Variants in CLMP observed in about 807,000 individuals in gnomAD.
The protein encoded by CLMP is CXADR-like membrane protein.
In CLMP, 27 loss-of-function variants were observed where a neutral mutation model predicts 45.2. That is an observed-to-expected ratio of 0.60 (90% CI 0.44 to 0.82). The LOEUF is 0.82. CLMP is among the 40% of genes least tolerant of loss of function. CLMP has a pLI of 0.00. For synonymous variants in CLMP, 167 were observed against 171.4 expected, an observed-to-expected ratio of 0.97 and a Z score of 0.20; for missense variants, 403 against 448.4, an observed-to-expected ratio of 0.90 and a Z score of 0.91.
At chr11:123,167,085 C>T (rs903446741) in intron 1 of CLMP, among the ~76,000 whole-genome samples, 1 of 152,114 alleles carries the variant, frequency 6.6e-6, no homozygotes, top group South Asian at 2.1e-4. Context: ...CAGTGTTTAG[C>T]GCAGTGCTTG....
At chr11:123,127,856 G>A (rs1389025081) in intron 1 of CLMP, among the ~76,000 whole-genome samples, 1 of 152,062 alleles carries the variant, frequency 6.6e-6, no homozygotes, top group Non-Finnish European at 1.5e-5. Flanking sequence ...GGCCAACATG[G>A]CAAAACCCTG....
intron 1 of CLMP, among the ~76,000 whole-genome samples, chr11:123,125,550 C>CCCCT (rs1466855093): frequency 9.1e-6 from 1 of 109,900 alleles, no homozygotes; most frequent in Admixed American, 9.8e-5. Context: ...TCCCTCCCCT[C>CCCCT]CCCTCCCTCC....
In CLMP at chr11:123,088,035, T is replaced by C. The variant is rs201109829; in HGVS notation, c.187-3322A>G. On this transcript the variant is annotated intron_variant, in intron 2 of 6. Transcript: ENST00000448775. ...AAGTGATTCTCCTGCCTCAGCCTCC[T>C]GAGTAGCTGGGATTACAGGCATGTG... Among the ~76,000 whole-genome samples, 4 of 151,558 alleles carry C rather than the reference T, an allele frequency of 2.6e-5. No individual in the cohort carries two copies. In the East Asian group the frequency reaches 7.9e-4, roughly 30 times the overall value.
At chr11:123,127,752 C>T (rs79576595) in intron 1 of CLMP, among the ~76,000 whole-genome samples, 10,716 of 152,000 alleles carry the variant, frequency 0.07, 795 homozygotes, top group African/African-American at 0.19. Context: ...TAAAGAGTAA[C>T]GTGGCCGGGC....
chr11:123,088,486 C>T (rs1591452558), intron 2 of CLMP, among the ~76,000 whole-genome samples: 1 of 152,278 alleles, frequency 6.6e-6, no homozygotes, highest in East Asian at 1.9e-4. Flanking sequence ...TCAGTTTGTA[C>T]TTTCTAGGAG....
At chr11:123,149,816 T>G (rs1861287995) in intron 1 of CLMP, among the ~76,000 whole-genome samples, 2 of 146,564 alleles carry the variant, frequency 1.4e-5, no homozygotes, top group Non-Finnish European at 3.0e-5. Flanking sequence ...TGTTTCTTTC[T>G]CTCTTTTTTT....
intron 1 of CLMP, among the ~76,000 whole-genome samples, chr11:123,152,072 T>C (rs1430780355): frequency 6.6e-6 from 1 of 152,186 alleles, no homozygotes; most frequent in Non-Finnish European, 1.5e-5. Flanking sequence ...TTCCCCTCAA[T>C]TTCCTATAAT....
intron 5 of CLMP, among the ~76,000 whole-genome samples, chr11:123,077,827 C>G (rs1865757704): frequency 6.6e-6 from 1 of 152,160 alleles, no homozygotes; most frequent in Non-Finnish European, 1.5e-5. Flanking sequence ...AATAATATAT[C>G]TCAGTGCTGT....
chr11:123,192,135 A>G (rs1861916310), intron 1 of CLMP, among the ~76,000 whole-genome samples: 1 of 152,304 alleles, frequency 6.6e-6, no homozygotes, highest in Non-Finnish European at 1.5e-5. Flanking sequence ...ATTAGAAAGA[A>G]GCATGGGACA....
chr11:123,150,514 A>AGGAAGGAAGGAAGGAAGGAAGGAG, intron 1 of CLMP, among the ~76,000 whole-genome samples: 1 of 132,816 alleles, frequency 7.5e-6, no homozygotes, highest in African/African-American at 3.0e-5. Flanking sequence ...GAAGGAAGGA[A>AGGAAGGAAGGAAGGAAGGAAGGAG]GGAAGGAAGG....
intron 1 of CLMP, among the ~76,000 whole-genome samples, chr11:123,110,362 G>A (rs138120312): frequency 0.017 from 2,638 of 151,898 alleles, 76 homozygotes; most frequent in African/African-American, 0.06. Flanking sequence ...GCTGAGATGG[G>A]AGAATCGCTT....
chr11:123,169,521 G>A (rs1861601862), intron 1 of CLMP, among the ~76,000 whole-genome samples: 4 of 152,150 alleles, frequency 2.6e-5, no homozygotes, highest in Admixed American at 1.3e-4. Context: ...TCTCCAAGAA[G>A]GACAGTGTCC....
chr11:123,164,896 T>C (rs146332748), intron 1 of CLMP, among the ~76,000 whole-genome samples: 1 of 152,264 alleles, frequency 6.6e-6, no homozygotes, highest in Non-Finnish European at 1.5e-5. Flanking sequence ...GACCTTAGAA[T>C]CATTGGAATT....
rs536496060 is a variant in CLMP at position 123,188,307 on chromosome 11, G to A, written c.28+6606C>T. ...ATCTTAAAAGGGACATCACTGAGCTGCTCCCGCCATCCGTGAAATAGAACG... is the reference window on the plus strand; with the variant it reads ...ATCTTAAAAGGGACATCACTGAGCTACTCCCGCCATCCGTGAAATAGAACG... On this transcript the variant is annotated intron_variant, in intron 1 of 6. Coordinates refer to ENST00000448775, the MANE Select transcript of CLMP (RefSeq NM_024769.5). 8.5e-5 allele frequency among the ~76,000 whole-genome samples: 13 copies of A among 152,252 alleles called. No homozygotes were observed. The East Asian group carries it at 2.5e-3, about 29-fold the overall frequency.
Position 123,145,668 on chromosome 11 carries a change from TG to T in CLMP, c.29-47717del, listed in dbSNP as rs531752648. Among the ~76,000 whole-genome samples, 86 of 152,292 alleles carry T rather than the reference TG, an allele frequency of 5.6e-4. 3 individuals carry two copies. The South Asian group carries it at 0.017, about 30-fold the overall frequency. On this transcript the variant is annotated intron_variant, in intron 1 of 6. Transcript: ENST00000448775. Reference sequence around the variant, plus strand: ...TAGTAGAGACGGAGTTTCACCATGTTGGCCAGGCTGGTATCGAGCTGCTGAT... The same window carrying T: ...TAGTAGAGACGGAGTTTCACCATGTTGCCAGGCTGGTATCGAGCTGCTGAT...
chr11:123,089,776 C>CAAAAAA (rs556690828), intron 2 of CLMP, among the ~76,000 whole-genome samples: 4 of 79,284 alleles, frequency 5.0e-5, no homozygotes, highest in Non-Finnish European at 1.0e-4. Flanking sequence ...GTCTCCATCT[C>CAAAAAA]AAAAAAAAAA....
chr11:123,102,561 C>T (rs1565382654), intron 1 of CLMP, among the ~76,000 whole-genome samples: 1 of 149,164 alleles, frequency 6.7e-6, no homozygotes, highest in Non-Finnish European at 1.5e-5. Flanking sequence ...TTACAGGTGA[C>T]AGCCACCGTG....
intron 1 of CLMP, among the ~76,000 whole-genome samples, chr11:123,145,985 C>A (rs553125822): frequency 6.6e-6 from 1 of 152,352 alleles, no homozygotes; most frequent in Admixed American, 6.5e-5. Context: ...GCGCAGATAG[C>A]TCCCAGCTGC....
intron 1 of CLMP, among the ~76,000 whole-genome samples, chr11:123,152,603 G>A (rs1861354304): frequency 6.6e-6 from 1 of 151,920 alleles, no homozygotes; most frequent in Non-Finnish European, 1.5e-5. Flanking sequence ...AGAGGCCTTA[G>A]AGGAAACCAA....
Sources: gnomAD v4.1 joint callset for allele counts (sites outside exome capture counted in the v4.1 genomes callset) on GRCh38, gnomAD v4.1.1 for gene constraint, MANE v1.5 for transcripts, NCBI Gene and HGNC (gene_info 2026-07-23, HGNC 2026-07-21) for gene names.